The following RTKN2 variants were observed in gnomAD, a reference collection of about 807,000 sequenced individuals.
The protein encoded by RTKN2 is rhotekin-2.
A neutral mutation model predicts 71.5 loss-of-function variants in RTKN2; 69 were observed. The observed-to-expected ratio is 0.96, with a 90% CI of 0.79 to 1.18. The LOEUF is 1.18. Among genes scored for constraint, RTKN2 ranks in the 50% most tolerant of loss-of-function variants. The pLI, the probability that RTKN2 is intolerant of heterozygous loss-of-function variation, is 0.00. For missense variants in RTKN2, 724 were observed against 719.7 expected (o/e 1.01, Z -0.07); for synonymous variants, 236 against 236.5 (o/e 1.00, Z 0.02).
In RTKN2 at chr10:62,193,342, A is replaced by G. The variant is rs893819938; in HGVS notation, c.*4566T>C. The G allele has an allele frequency of 1.0e-6, 1 of 980,964 alleles. No homozygotes were observed. The highest frequency in any genetic ancestry group is 1.2e-6 in the Non-Finnish European group (1 of 826,042). The allele number at this position is 980,964 out of a possible 1,614,324, so 60.8% of individuals were successfully genotyped here. ...AGCAAACTGCTGGAATTTAAAACACAATTTTCCATAAGATCTGGAATGATC... is the reference window on the plus strand; with the variant it reads ...AGCAAACTGCTGGAATTTAAAACACGATTTTCCATAAGATCTGGAATGATC... On this transcript the variant is annotated 3_prime_UTR_variant, in exon 12 of 12. Transcript: ENST00000373789.
chr10:62,210,624 TA>T, intron 9 of RTKN2, among the ~76,000 whole-genome samples: 1 of 152,120 alleles, frequency 6.6e-6, no homozygotes. Flanking sequence ...ATGTTGGTGC[TA>T]AAAACAAGCT....
chr10:62,195,799 G>C lies in RTKN2; in HGVS notation c.*2109C>G. The C allele has an allele frequency of 2.0e-6, 2 of 985,446 alleles. No individual in the cohort carries two copies. The highest frequency in any genetic ancestry group is 4.7e-5 in the South Asian group (1 of 21,290). 61.0% of individuals were successfully genotyped at this position (985,446 alleles called of 1,614,324 possible). ...AAGCTGGGCCCCCCAGAAAGAGACC[G>C]AATAATTTGGTGGGGAGGGGGTGGT... On this transcript the variant is annotated 3_prime_UTR_variant, in exon 12 of 12. Transcript: ENST00000373789.
chr10:62,265,196 T>G (rs550382954), intron 1 of RTKN2, among the ~76,000 whole-genome samples: 16 of 152,336 alleles, frequency 1.1e-4, no homozygotes, highest in African/African-American at 3.8e-4. Context: ...GATACTACTA[T>G]TAAGATTTTT....
At chr10:62,210,896 T>A (rs1396215035) in intron 9 of RTKN2, among the ~76,000 whole-genome samples, 1 of 152,134 alleles carries the variant, frequency 6.6e-6, no homozygotes, top group Non-Finnish European at 1.5e-5. Flanking sequence ...GAAACTAATA[T>A]AATTGGATTA....
chr10:62,229,264 A>T (rs1842098630), intron 6 of RTKN2, among the ~76,000 whole-genome samples: 1 of 152,188 alleles, frequency 6.6e-6, no homozygotes, highest in Non-Finnish European at 1.5e-5. Flanking sequence ...GAAATGTGGG[A>T]TATGGTGGAG....
chr10:62,225,129 C>T (rs757219387), intron 6 of RTKN2, among the ~76,000 whole-genome samples: 1 of 152,222 alleles, frequency 6.6e-6, no homozygotes, highest in Non-Finnish European at 1.5e-5. Context: ...TTGTTTCTAG[C>T]AGCTCTAACC....
intron 9 of RTKN2, among the ~76,000 whole-genome samples, chr10:62,214,069 A>C (rs1841717438): frequency 6.6e-6 from 1 of 151,978 alleles, no homozygotes; most frequent in Non-Finnish European, 1.5e-5. Context: ...CTAAAGAGAA[A>C]AACACAGGAA....
Position 62,217,137 on chromosome 10 carries a change from A to G in RTKN2, c.1001T>C (p.Leu334Ser). ...EEIEAKVEPA[L>S]VVPINKETRI... ...CTTTACCTTGTTAATGGGTACTACC[A>G]AAGCTGGTTCCACTTTAGCTTCAAT... Residue 334 changes from leucine to serine, a missense_variant, in exon 9 of 12, where the codon TTG (leucine) becomes TCG (serine). Leu to Ser is a moderately radical substitution (Grantham distance 145). Transcript: ENST00000373789. The G allele has an allele frequency of 1.3e-6, 2 of 1,585,990 alleles. No individual in the cohort carries two copies. Among genetic ancestry groups the G allele is most frequent in the South Asian group, 2.4e-5 (2 of 84,768 alleles).
chr10:62,209,161 G>A (rs766404461), intron 9 of RTKN2, among the ~76,000 whole-genome samples: 2 of 152,050 alleles, frequency 1.3e-5, no homozygotes, highest in African/African-American at 2.4e-5. Context: ...CCAGCTACCC[G>A]GGAGGCTGAG....
chr10:62,214,942 G>C, intron 9 of RTKN2: 1 of 610,482 alleles, frequency 1.6e-6, no homozygotes, highest in Non-Finnish European at 2.8e-6. Context: ...AGTTTGGAAA[G>C]TTCTATCTGA....
rs141013908 is a variant in RTKN2 at position 62,204,958 on chromosome 10, T to A, written c.1085A>T (p.Asn362Ile). The stretch of plus-strand genomic sequence containing the variant: ...AGTTATAGCTTGTCCAGGAACAGGA[T>A]TGATGACAGAGAAATTATGGATTCT... Reference protein sequence around the residue: ...KKRIHNFSVINPVPGQAITQI... With the variant: ...KKRIHNFSVIIPVPGQAITQI... The change falls in exon 10 of 12, where the codon AAT becomes ATT. Residue 362 changes from asparagine (N) to isoleucine (I), a missense_variant. Transcript: ENST00000373789. 1 of 1,601,894 alleles carries A rather than the reference T, an allele frequency of 6.2e-7. No homozygotes were observed. Among genetic ancestry groups the A allele is most frequent in the South Asian group, 1.1e-5 (1 of 87,672 alleles).
Position 62,266,618 on chromosome 10 carries a change from G to A in RTKN2, c.60+1933C>T, listed in dbSNP as rs1479610969. Reference sequence around the variant, plus strand: ...CTGCAATGAGATAGTATTACTTTTTGAATTTTATTTTTATTAAGATGCCAA... The same window carrying A: ...CTGCAATGAGATAGTATTACTTTTTAAATTTTATTTTTATTAAGATGCCAA... On this transcript the variant is annotated intron_variant, in intron 1 of 11. Coordinates refer to ENST00000373789, the MANE Select transcript of RTKN2 (RefSeq NM_145307.4). Among the ~76,000 whole-genome samples the A allele has an allele frequency of 2.6e-5, 4 of 152,128 alleles. No homozygotes were observed. The East Asian group carries it at 5.8e-4, about 22-fold the overall frequency.
In RTKN2 at chr10:62,218,265, A is replaced by G. The variant is rs1181304946; in HGVS notation, c.818T>C (p.Met273Thr). 31 of 1,613,456 alleles carry G rather than the reference A, an allele frequency of 1.9e-5. No individual in the cohort carries two copies. The highest frequency in any genetic ancestry group is 2.5e-5 in the Non-Finnish European group (29 of 1,179,688). Residue 273 changes from methionine to threonine, a missense_variant, in exon 8 of 12, where the codon ATG becomes ACG. Coordinates refer to ENST00000373789, the MANE Select transcript of RTKN2 (RefSeq NM_145307.4). ...TGGCTGGGCAACTAGTCGGCAGCAC[A>G]TGTTGCCATACAGGGGAAGCCAAAA... ...SSFWLPLYGN[M>T]CCRLVAQPAC...
chr10:62,195,160 AAG>A lies in RTKN2; in HGVS notation c.*2746_*2747del. 1 of 976,596 alleles carries A rather than the reference AAG, an allele frequency of 1.0e-6. No individual in the cohort carries two copies. The highest frequency in any genetic ancestry group is 1.2e-6 in the Non-Finnish European group (1 of 821,924). The allele number at this position is 976,596 out of a possible 1,614,324, so 60.5% of individuals were successfully genotyped here. ...GCTTGAAATGTAAAGGTAATTGTCT[AAG>A]ACATTATCTTTAGATCATCAGAATT... On this transcript the variant is annotated 3_prime_UTR_variant, in exon 12 of 12. Coordinates refer to ENST00000373789, the MANE Select transcript of RTKN2 (RefSeq NM_145307.4).
downstream of RTKN2, among the ~76,000 whole-genome samples, chr10:62,188,686 C>T (rs1304643746): frequency 6.6e-6 from 1 of 151,932 alleles, no homozygotes; most frequent in Non-Finnish European, 1.5e-5. Flanking sequence ...CCAAATGTCT[C>T]CTAAGAGCTT....
intron 6 of RTKN2, among the ~76,000 whole-genome samples, chr10:62,228,674 G>C (rs1842083334): frequency 6.6e-6 from 1 of 152,176 alleles, no homozygotes; most frequent in African/African-American, 2.4e-5. Flanking sequence ...AGGATAGGTG[G>C]GGAGGAAACA....
At chr10:62,222,627 C>G (rs10733770) in intron 7 of RTKN2, among the ~76,000 whole-genome samples, 115,464 of 152,050 alleles carry the variant, frequency 0.76, 43,933 homozygotes, top group East Asian at 0.9. Context: ...TAACCCAAAT[C>G]ATACTTCCAA....
At chr10:62,189,851 C>CG (rs1841192913), downstream of RTKN2, among the ~76,000 whole-genome samples, 1 of 131,264 alleles carries the variant, frequency 7.6e-6, no homozygotes, top group Non-Finnish European at 1.6e-5. Context: ...AATTCACCCA[C>CG]CTTTTTTTTT....
intron 2 of RTKN2, among the ~76,000 whole-genome samples, chr10:62,248,176 C>T (rs2133047556): frequency 6.6e-6 from 1 of 152,174 alleles, no homozygotes; most frequent in African/African-American, 2.4e-5. Flanking sequence ...ACTTAGTATA[C>T]ACAAATATTG....
Sources: gnomAD v4.1 joint callset for allele counts (sites outside exome capture counted in the v4.1 genomes callset) on GRCh38, gnomAD v4.1.1 for gene constraint, MANE v1.5 for transcripts, NCBI Gene and HGNC (gene_info 2026-07-23, HGNC 2026-07-21) for gene names.